WLS: variants seen among roughly 807,000 people sequenced by gnomAD.
WLS encodes Wnt ligand secretion mediator.
In WLS, 23 loss-of-function variants were observed where a neutral mutation model predicts 62.8. The ratio of observed to expected loss-of-function variants is 0.37; its 90% confidence interval spans 0.26 to 0.52. WLS has a LOEUF of 0.52. Ranked by LOEUF, WLS falls within the 20% of genes least tolerant of loss-of-function variation. WLS has a pLI of 0.92. For missense variants in WLS, 615 were observed against 697.3 expected, an observed-to-expected ratio of 0.88 and a Z score of 1.33; for synonymous variants, 246 against 244.1, an observed-to-expected ratio of 1.01 and a Z score of -0.07.
At chr1:68,101,369 C>T (rs1646076323) in intron 11 of WLS, among the ~76,000 whole-genome samples, 3 of 152,126 alleles carry the variant, frequency 2.0e-5, no homozygotes, top group African/African-American at 7.2e-5. Context: ...TTTTCCTTTG[C>T]TCTTTGAAGA....
intron 11 of WLS, among the ~76,000 whole-genome samples, chr1:68,129,610 T>C (rs1234150215): frequency 6.6e-6 from 1 of 152,200 alleles, no homozygotes; most frequent in Non-Finnish European, 1.5e-5. Flanking sequence ...TGTGATTTTA[T>C]TGTACCTTGA....
intron 2 of WLS, among the ~76,000 whole-genome samples, chr1:68,169,730 T>C (rs1647118527): frequency 6.6e-6 from 1 of 152,220 alleles, no homozygotes; most frequent in African/African-American, 2.4e-5. Context: ...TTTTCACACT[T>C]CCTGCTACAG....
chr1:68,109,449 T>G (rs1646191987), intron 11 of WLS, among the ~76,000 whole-genome samples: 1 of 152,242 alleles, frequency 6.6e-6, no homozygotes, highest in Non-Finnish European at 1.5e-5. Context: ...CTTCTACTTC[T>G]AAGAACTTTA....
intron 4 of WLS, among the ~76,000 whole-genome samples, chr1:68,154,350 A>G (rs1646867866): frequency 6.6e-6 from 1 of 152,232 alleles, no homozygotes; most frequent in Non-Finnish European, 1.5e-5. Flanking sequence ...AGAAAGTTGC[A>G]GATATCCTAG....
intron 1 of WLS, among the ~76,000 whole-genome samples, chr1:68,207,740 GA>G (rs1437648587): frequency 1.5e-4 from 23 of 152,228 alleles, no homozygotes; most frequent in African/African-American, 5.5e-4. Context: ...TAGCCTTGTA[GA>G]ATGCCAGTTT....
intron 1 of WLS, among the ~76,000 whole-genome samples, chr1:68,197,672 C>G (rs1021570487): frequency 6.6e-6 from 1 of 152,142 alleles, no homozygotes; most frequent in Non-Finnish European, 1.5e-5. Flanking sequence ...TTTATATAGA[C>G]AGCATTATCA....
intron 1 of WLS, among the ~76,000 whole-genome samples, chr1:68,203,478 C>A (rs1006039958): frequency 6.6e-6 from 1 of 152,188 alleles, no homozygotes; most frequent in East Asian, 1.9e-4. Context: ...TCAAAGGGAG[C>A]CAGCAAGATA....
rs1341541197 is a variant in WLS at position 68,232,510 on chromosome 1, G to C, written c.-211C>G. 1 of 1,044,744 alleles carries C rather than the reference G, an allele frequency of 9.6e-7. No individual in the cohort carries two copies. Among genetic ancestry groups the C allele is most frequent in the Non-Finnish European group, 1.3e-6 (1 of 773,446 alleles). The allele number at this position is 1,044,744 out of a possible 1,614,324, so 64.7% of individuals were successfully genotyped here. A position where few individuals can be genotyped will look rare whatever the true frequency, so the allele number is the denominator to read the frequency against. ...GCCGGCTCGGGTTCCCCCAATGCCC[G>C]GAGCTGTGATTGTGGCCGCTCCGCC... On this transcript the variant is annotated 5_prime_UTR_variant, in exon 1 of 12. Coordinates refer to ENST00000262348, the MANE Select transcript of WLS (RefSeq NM_024911.7).
intron 3 of WLS, among the ~76,000 whole-genome samples, chr1:68,155,592 G>T (rs1002488617): frequency 3.9e-5 from 6 of 152,128 alleles, no homozygotes; most frequent in East Asian, 1.9e-4. Context: ...TACGAATCTT[G>T]TCTGCCAGGG....
At position 68,155,197 on chromosome 1, in the gene WLS, C is replaced by T; in HGVS notation, c.568G>A (p.Val190Met). 6.2e-7 allele frequency: 1 copy of T among 1,613,968 alleles called. No homozygotes were observed. The highest frequency in any genetic ancestry group is 8.5e-7 in the Non-Finnish European group (1 of 1,179,936). The change falls in exon 4 of 12, where the codon GTG (valine) becomes ATG (methionine). Residue 190 changes from valine to methionine, a missense_variant. Coordinates refer to ENST00000262348, the MANE Select transcript of WLS (RefSeq NM_024911.7). Reference protein sequence around the residue: ...DVLPFMEIGSVAHKFYLLNIR... With the variant: ...DVLPFMEIGSMAHKFYLLNIR... The stretch of plus-strand genomic sequence containing the variant: ...TTTAAAAGGTAAAACTTATGGGCCA[C>T]AGACCCAATTTCCATGAAAGGAAGG...
intron 1 of WLS, among the ~76,000 whole-genome samples, chr1:68,215,493 G>A (rs750867020): frequency 3.3e-5 from 5 of 152,076 alleles, no homozygotes; most frequent in Non-Finnish European, 7.4e-5. Flanking sequence ...TCCCAGATTT[G>A]GCTAATGGGT....
At chr1:68,163,138 C>T (rs1255736734) in intron 2 of WLS, 1 of 1,323,340 alleles carries the variant, frequency 7.6e-7, no homozygotes, top group Non-Finnish European at 1.1e-6. Flanking sequence ...AAGCAGTCCT[C>T]TAAGAACTTA....
chr1:68,103,494 A>C (rs1646104736), intron 11 of WLS, among the ~76,000 whole-genome samples: 1 of 152,230 alleles, frequency 6.6e-6, no homozygotes, highest in Non-Finnish European at 1.5e-5. Flanking sequence ...AAAATTATGC[A>C]GTTCTTCTCT....
chr1:68,217,974 T>C (rs1474413116), intron 1 of WLS, among the ~76,000 whole-genome samples: 1 of 152,226 alleles, frequency 6.6e-6, no homozygotes, highest in Non-Finnish European at 1.5e-5. Context: ...TTAAGCAGAT[T>C]TTGAAAATGA....
At chr1:68,139,770 A>G (rs1343560750) in intron 10 of WLS, among the ~76,000 whole-genome samples, 1 of 152,242 alleles carries the variant, frequency 6.6e-6, no homozygotes, top group African/African-American at 2.4e-5. Context: ...GAATGAACAG[A>G]GGTAAAGTAC....
At chr1:68,120,289 G>C (rs1024380547) in intron 11 of WLS, among the ~76,000 whole-genome samples, 1 of 152,176 alleles carries the variant, frequency 6.6e-6, no homozygotes, top group Non-Finnish European at 1.5e-5. Context: ...AATAATCCAA[G>C]GTCTGACTTG....
At chr1:68,221,460 A>C (rs552459293) in intron 1 of WLS, among the ~76,000 whole-genome samples, 1 of 152,368 alleles carries the variant, frequency 6.6e-6, no homozygotes, top group South Asian at 2.1e-4. Flanking sequence ...GCTAAAAGGT[A>C]AAAGCCTGGT....
Position 68,145,851 on chromosome 1 carries a change from G to A in WLS, c.1278+18C>T, listed in dbSNP as rs1646745862. 6.2e-7 allele frequency: 1 copy of A among 1,613,808 alleles called. No homozygotes were observed. The highest frequency in any genetic ancestry group is 1.1e-5 in the South Asian group (1 of 91,034). ...CAAGCAAGCACCAGTTCCAGAACGAGCCAAGAAATCTGCCCACCTCATAGT... is the reference window on the plus strand; with the variant it reads ...CAAGCAAGCACCAGTTCCAGAACGAACCAAGAAATCTGCCCACCTCATAGT... On this transcript the variant is annotated intron_variant, in intron 9 of 11. Transcript: ENST00000262348.
intron 3 of WLS, among the ~76,000 whole-genome samples, chr1:68,156,843 C>T (rs1016253950): frequency 6.6e-6 from 1 of 152,170 alleles, no homozygotes; most frequent in African/African-American, 2.4e-5. Flanking sequence ...ACTAAAAGTT[C>T]ACTGCAGGCT....
Sources: allele counts gnomAD v4.1 joint callset (sites outside exome capture counted in the v4.1 genomes callset), GRCh38; gene constraint gnomAD v4.1.1; transcripts MANE v1.5; gene names NCBI Gene and HGNC (gene_info 2026-07-23, HGNC 2026-07-21).